ABCB4: variants seen among roughly 807,000 people sequenced by gnomAD.
The protein encoded by ABCB4 is ATP binding cassette subfamily B member 4, also known as phosphatidylcholine translocator ABCB4.
ABCB4 carries 76 observed loss-of-function variants against 145.7 expected under a neutral mutation model. That is an observed-to-expected ratio of 0.52 (90% CI 0.43 to 0.63). ABCB4 has a LOEUF of 0.63. ABCB4 is among the 30% of genes least tolerant of loss of function. The pLI is 0.00. For synonymous variants in ABCB4, 517 were observed against 566.8 expected (o/e 0.91, Z 1.25); for missense variants, 1,234 against 1,553.1 (o/e 0.79, Z 3.45).
intron 4 of ABCB4, among the ~76,000 whole-genome samples, chr7:87,459,727 T>C (rs1439402611): frequency 6.6e-6 from 1 of 152,220 alleles, no homozygotes; most frequent in African/African-American, 2.4e-5. Context: ...TCAGTTTCTC[T>C]ACATTATTTC....
chr7:87,475,712 G>T, upstream of ABCB4: 1 of 448,244 alleles, frequency 2.2e-6, no homozygotes, highest in South Asian at 3.2e-5. Context: ...TGCTCGCCGC[G>T]GCCTCGCCCC....
the ABCB4 span, among the ~76,000 whole-genome samples, chr7:87,367,871 T>G: frequency 6.6e-6 from 1 of 152,224 alleles, no homozygotes; most frequent in African/African-American, 2.4e-5. Context: ...TGTTCTCACC[T>G]GGACAACTTT....
chr7:87,407,887 A>C, intron 25 of ABCB4, 150 bp downstream of exon 25: 1 of 929,274 alleles, frequency 1.1e-6, no homozygotes. Context: ...TATATTTCCC[A>C]GATATGGTGC....
chr7:87,444,802 C>T (rs547046609), intron 10 of ABCB4, 60 bp downstream of exon 10: 42 of 1,299,750 alleles, frequency 3.2e-5, no homozygotes, highest in South Asian at 1.3e-5. Context: ...CAAACTAAAG[C>T]CAGATTTAAT....
At chr7:87,409,524 C>T in intron 23 of ABCB4, 132 bp from the exon 24 acceptor site, 7 of 902,114 alleles carry the variant, frequency 7.8e-6, no homozygotes, top group South Asian at 1.5e-5. Context: ...CCCCGACATA[C>T]ATTTTCATAA....
At chr7:87,474,525 AACT>A (rs1813652544) in intron 2 of ABCB4, among the ~76,000 whole-genome samples, 1 of 152,180 alleles carries the variant, frequency 6.6e-6, no homozygotes, top group African/African-American at 2.4e-5. Flanking sequence ...CTTGAGGACA[AACT>A]ACAGAGACTG....
At position 87,440,360 on chromosome 7, in the gene ABCB4, A is replaced by C. The variant is rs1472679087; in HGVS notation, c.1399T>G (p.Tyr467Asp). 6 of 1,614,172 alleles carry C rather than the reference A, an allele frequency of 3.7e-6. No homozygotes were observed. In the South Asian group the frequency reaches 6.6e-5, roughly 18 times the overall value. Residue 467 changes from tyrosine to aspartate, a missense_variant, in exon 13 of 28, where the codon TAT (tyrosine) becomes GAT (aspartate). Physicochemically the swap from Tyr to Asp is radical, Grantham distance 160. Coordinates refer to ENST00000649586, the MANE Select transcript of ABCB4 (RefSeq NM_000443.4). Reference protein sequence around the residue: ...GQDIRNFNVNYLREIIGVVSQ... With the variant: ...GQDIRNFNVNDLREIIGVVSQ... ...ACCACACCAATGATTTCCCTCAGATAGTTTACATTAAAGTTCCTAATATCC... is the reference window on the plus strand; with the variant it reads ...ACCACACCAATGATTTCCCTCAGATCGTTTACATTAAAGTTCCTAATATCC...
At chr7:87,425,950 G>A (rs1277019111) in intron 16 of ABCB4, among the ~76,000 whole-genome samples, 1 of 151,650 alleles carries the variant, frequency 6.6e-6, no homozygotes, top group Non-Finnish European at 1.5e-5. Context: ...TAAATCCAAC[G>A]TTGCTATTTC....
At chr7:87,377,298 T>A in the ABCB4 span, 1 of 1,156,718 alleles carries the variant, frequency 8.6e-7, no homozygotes, top group South Asian at 1.4e-5. Flanking sequence ...TGTAAATTCT[T>A]ACAAACCAAT....
chr7:87,420,672 T>G (rs1584701993), intron 18 of ABCB4, among the ~76,000 whole-genome samples: 2 of 152,192 alleles, frequency 1.3e-5, no homozygotes, highest in East Asian at 1.9e-4. Context: ...GTTAACTATT[T>G]AAATAACAAA....
the ABCB4 span, among the ~76,000 whole-genome samples, chr7:87,396,638 C>T: frequency 6.6e-6 from 1 of 151,726 alleles, no homozygotes; most frequent in Non-Finnish European, 1.5e-5. Context: ...TCTTTCATCT[C>T]TTCTACCCCA....
intron 5 of ABCB4, 136 bp from the exon 6 acceptor site, chr7:87,453,271 C>T (rs1811882276): frequency 2.5e-6 from 2 of 787,684 alleles, no homozygotes; most frequent in Admixed American, 2.3e-5. Flanking sequence ...GCAACCTCCG[C>T]CTCCTGGATT....
chr7:87,449,944 C>A, intron 8 of ABCB4, 24 bp downstream of exon 8: 1 of 1,614,022 alleles, frequency 6.2e-7, no homozygotes, highest in Non-Finnish European at 8.5e-7. Flanking sequence ...TTCCTTAAAC[C>A]AGTGGCTAAA....
At chr7:87,446,901 TG>T in intron 9 of ABCB4, 132 bp downstream of exon 9, 1 of 796,244 alleles carries the variant, frequency 1.3e-6, no homozygotes, top group Non-Finnish European at 2.0e-6. Flanking sequence ...CACTGGACAG[TG>T]GAAAGATTCA....
At chr7:87,466,046 G>A (rs1432140796) in intron 3 of ABCB4, among the ~76,000 whole-genome samples, 4 of 152,212 alleles carry the variant, frequency 2.6e-5, no homozygotes, top group Non-Finnish European at 4.4e-5. Context: ...AAAGCAGGAC[G>A]GAGAATGACT....
downstream of ABCB4, chr7:87,399,936 C>G (rs566068185): frequency 6.6e-6 from 1 of 152,262 alleles, no homozygotes; most frequent in Admixed American, 6.5e-5. Flanking sequence ...GCTCATCTTG[C>G]CTGTGTTTAT....
intron 4 of ABCB4, among the ~76,000 whole-genome samples, chr7:87,455,579 A>G (rs1812052543): frequency 6.6e-6 from 1 of 152,228 alleles, no homozygotes; most frequent in Admixed American, 6.5e-5. Context: ...ACACTATACT[A>G]TACTGATTTA....
At chr7:87,440,745 T>C (rs1810925282) in intron 12 of ABCB4, among the ~76,000 whole-genome samples, 1 of 152,082 alleles carries the variant, frequency 6.6e-6, no homozygotes, top group African/African-American at 2.4e-5. Flanking sequence ...GCTTATGGTG[T>C]TCTGCTTTTT....
chr7:87,375,737 C>T, the ABCB4 span: 2 of 1,612,784 alleles, frequency 1.2e-6, no homozygotes, highest in Non-Finnish European at 1.7e-6. Flanking sequence ...TTCTGATTTA[C>T]ACTTTTCTTA....
Sources: allele counts gnomAD v4.1 joint callset (sites outside exome capture counted in the v4.1 genomes callset), GRCh38; gene constraint gnomAD v4.1.1; transcripts MANE v1.5; gene names NCBI Gene and HGNC (gene_info 2026-07-23, HGNC 2026-07-21).